Variants in SLC22A12 observed in about 807,000 individuals in gnomAD.
The protein encoded by SLC22A12 is organic anion transporter 4-like protein.
SLC22A12 carries 56 observed loss-of-function variants against 52.7 expected under a neutral mutation model. That is an observed-to-expected ratio of 1.06 (90% CI 0.86 to 1.33). The LOEUF (loss-of-function observed/expected upper bound fraction) is 1.33, where lower values mean the gene tolerates loss of function less well. Among genes scored for constraint, SLC22A12 ranks in the 40% most tolerant of loss-of-function variants. The pLI is 0.00. For missense variants in SLC22A12, 683 were observed against 741.5 expected (o/e 0.92, Z 0.92); for synonymous variants, 337 against 324.6 (o/e 1.04, Z -0.41).
At chr11:64,595,517 G>A (rs1420939204) in intron 4 of SLC22A12, among the ~76,000 whole-genome samples, 2 of 83,172 alleles carry the variant, frequency 2.4e-5, no homozygotes, top group East Asian at 3.4e-4. Flanking sequence ...TGGTTGGAAT[G>A]AATGGATGGA....
Position 64,598,411 on chromosome 11 carries a change from G to T in SLC22A12, c.831-105G>T, listed in dbSNP as rs1439832227. ...CCTTCGGGGTCCTCAGCCGCCCTAA[G>T]CCTTGGGCCTGGAGCAGTGGGTACA... On this transcript the variant is annotated intron_variant, in intron 4 of 9. Coordinates refer to ENST00000377574, the MANE Select transcript of SLC22A12 (RefSeq NM_144585.4). 3.3e-6 allele frequency: 5 copies of T among 1,509,434 alleles called. No homozygotes were observed. The Admixed American group carries it at 9.8e-5, about 30-fold the overall frequency. The allele number at this position is 1,509,434 out of a possible 1,614,324, so 93.5% of individuals were successfully genotyped here.
At chr11:64,599,526 G>A (rs1031633782) in intron 6 of SLC22A12, 150 bp from the exon 7 acceptor site, 163 of 660,914 alleles carry the variant, frequency 2.5e-4, no homozygotes, top group South Asian at 8.0e-4. Context: ...GACTGGCCCC[G>A]CCCCACAGAG....
At chr11:64,596,086 T>C (rs1363624650) in intron 4 of SLC22A12, among the ~76,000 whole-genome samples, 6 of 112,458 alleles carry the variant, frequency 5.3e-5, no homozygotes, top group African/African-American at 1.2e-4. Context: ...GGTTTGATGG[T>C]TGAATGGATG....
chr11:64,591,724 C>T lies in SLC22A12; in HGVS notation c.168C>T (p.Asn56=), dbSNP rs2038921816. The T allele has an allele frequency of 6.2e-7, 1 of 1,612,706 alleles. No individual in the cohort carries two copies. The highest frequency in any genetic ancestry group is 8.5e-7 in the Non-Finnish European group (1 of 1,180,026). ...SHRCWAPLLD[N]STAQASILGS... ...GCTGCTGGGCACCCCTCCTGGACAA[C>T]AGCACGGCTCAGGCCAGCATCCTAG... is the stretch of plus-strand genomic sequence containing the variant. The change falls in exon 1 of 10, where the codon AAC becomes AAT. Residue 56 remains asparagine, a synonymous_variant. Transcript: ENST00000377574.
In SLC22A12 at chr11:64,591,526, GC is replaced by G; in HGVS notation, c.-27del. ...CCCTGGGCCAGCCTTTGTGAAGTGG[GC>G]CCCTCTTCTGGGCCCCTTGAGTAGG... On this transcript the variant is annotated 5_prime_UTR_variant, in exon 1 of 10. Transcript: ENST00000377574. 6.2e-7 allele frequency: 1 copy of G among 1,607,500 alleles called. No homozygotes were observed.
chr11:64,601,591 A>G lies in SLC22A12; in HGVS notation c.*40A>G. Reference sequence around the variant, plus strand: ...TGCGATGGGACGGTCAGAGGAAGAGACTTCTTCTGTTCTCTGGAGAAGGCA... The same window carrying G: ...TGCGATGGGACGGTCAGAGGAAGAGGCTTCTTCTGTTCTCTGGAGAAGGCA... On this transcript the variant is annotated 3_prime_UTR_variant, in exon 10 of 10. Transcript: ENST00000377574. The G allele has an allele frequency of 1.3e-6, 2 of 1,596,698 alleles. No individual in the cohort carries two copies. The highest frequency in any genetic ancestry group is 1.7e-6 in the Non-Finnish European group (2 of 1,164,942).
At chr11:64,600,541 G>A in intron 8 of SLC22A12, 66 bp downstream of exon 8, 4 of 1,436,100 alleles carry the variant, frequency 2.8e-6, no homozygotes, top group Non-Finnish European at 3.8e-6. Context: ...CCCCCAGGCA[G>A]GACTGGCTTC....
At chr11:64,600,671 G>T in intron 8 of SLC22A12, 64 bp from the exon 9 acceptor site, 2 of 1,596,414 alleles carry the variant, frequency 1.3e-6, no homozygotes, top group Non-Finnish European at 1.7e-6. Context: ...GGCCTGGCCC[G>T]GCGTGCAGGA....
chr11:64,592,804 C>T lies in SLC22A12; in HGVS notation c.428C>T (p.Ala143Val). ...TGGAACCTCGTGTGTGACTCTCATG[C>T]TCTGAAGCCCATGGCCCAGTCCATC... ...AKWNLVCDSH[A>V]LKPMAQSIYL... Residue 143 changes from alanine (A) to valine (V), a missense_variant, in exon 2 of 10, where the codon GCT becomes GTT. By Grantham distance (64) the Ala-to-Val change is moderately conservative (BLOSUM62 0). Coordinates refer to ENST00000377574, the MANE Select transcript of SLC22A12 (RefSeq NM_144585.4). The T allele has an allele frequency of 6.2e-7, 1 of 1,613,964 alleles. No homozygotes were observed. Among genetic ancestry groups the T allele is most frequent in the Non-Finnish European group, 8.5e-7 (1 of 1,179,998 alleles).
chr11:64,593,368 A>G, intron 2 of SLC22A12, 37 bp from the exon 3 acceptor site: 1 of 1,613,636 alleles, frequency 6.2e-7, no homozygotes. Flanking sequence ...TGCCGTGGCA[A>G]GCCACAGACC....
At chr11:64,595,851 G>GGATGGATA (rs1217331695) in intron 4 of SLC22A12, among the ~76,000 whole-genome samples, 2 of 150,842 alleles carry the variant, frequency 1.3e-5, no homozygotes, top group African/African-American at 2.4e-5. Context: ...ATGGATGGAT[G>GGATGGATA]GATGGATAGT....
At chr11:64,599,591 G>GCCCCCCCCCCCCCTTGTTCCCCCCCCC in intron 6 of SLC22A12, 85 bp from the exon 7 acceptor site, 1 of 617,180 alleles carries the variant, frequency 1.6e-6, no homozygotes, top group Non-Finnish European at 2.4e-6. Flanking sequence ...CCCACCCTGA[G>GCCCCCCCCCCCCCTTGTTCCCCCCCCC]CCCCCACCGC....
chr11:64,592,258 C>T (rs967485039), intron 1 of SLC22A12, among the ~76,000 whole-genome samples: 1 of 152,138 alleles, frequency 6.6e-6, no homozygotes, highest in East Asian at 1.9e-4. Context: ...ACCTGTCAGC[C>T]GTGACTCCAG....
chr11:64,598,285 G>A (rs1194355469), intron 4 of SLC22A12, among the ~76,000 whole-genome samples: 4 of 152,216 alleles, frequency 2.6e-5, no homozygotes, highest in African/African-American at 9.6e-5. Flanking sequence ...CCCAGGATGA[G>A]AACAGCATCC....
intron 4 of SLC22A12, among the ~76,000 whole-genome samples, chr11:64,597,362 C>T (rs749144631): frequency 6.6e-6 from 1 of 152,140 alleles, no homozygotes; most frequent in Admixed American, 6.5e-5. Context: ...CCCCACTGAC[C>T]TCCAGCCTTA....
chr11:64,595,212 AGATGGATGGATGGATG>A (rs143189329), intron 4 of SLC22A12, among the ~76,000 whole-genome samples: 1 of 34,210 alleles, frequency 2.9e-5, no homozygotes, highest in African/African-American at 1.4e-4. Context: ...TGTTTGGAAT[AGATGGATGGATGGATG>A]GATGGATGGA....
chr11:64,595,827 G>GAATGGATA (rs2039165947), intron 4 of SLC22A12, among the ~76,000 whole-genome samples: 1 of 1,982 alleles, frequency 5.0e-4, no homozygotes, highest in Non-Finnish European at 3.6e-3. Flanking sequence ...ATGGATGGAC[G>GAATGGATA]GTTGAATGGA....
In SLC22A12 at chr11:64,601,712, C is replaced by T. The variant is rs927714205; in HGVS notation, c.*161C>T. On this transcript the variant is annotated 3_prime_UTR_variant, in exon 10 of 10. Coordinates refer to ENST00000377574, the MANE Select transcript of SLC22A12 (RefSeq NM_144585.4). Reference sequence around the variant, plus strand: ...GCTGCCCCTCCAGGTGAGCCCTGCCCCTCTCACAGTCCAAGGGGCCCCCTT... The same window carrying T: ...GCTGCCCCTCCAGGTGAGCCCTGCCTCTCTCACAGTCCAAGGGGCCCCCTT... 17 of 754,060 alleles carry T rather than the reference C, an allele frequency of 2.3e-5. No individual in the cohort carries two copies. The highest frequency in any genetic ancestry group is 3.2e-5 in the Non-Finnish European group (14 of 440,980). The allele number at this position is 754,060 out of a possible 1,614,324, so 46.7% of individuals were successfully genotyped here.
Position 64,601,665 on chromosome 11 carries a change from G to A in SLC22A12, c.*114G>A. 1 of 1,203,318 alleles carries A rather than the reference G, an allele frequency of 8.3e-7. No homozygotes were observed. The highest frequency in any genetic ancestry group is 1.3e-5 in the South Asian group (1 of 77,290). The allele number at this position is 1,203,318 out of a possible 1,614,324, so 74.5% of individuals were successfully genotyped here. A position where few individuals can be genotyped will look rare whatever the true frequency, so the allele number is the denominator to read the frequency against. On this transcript the variant is annotated 3_prime_UTR_variant, in exon 10 of 10. Transcript: ENST00000377574. Reference sequence around the variant, plus strand: ...TCCAGAGGCCCAGAGGCTGCCCTCTGAGGTCCCCACTCTCCCCCAGGGCTG... The same window carrying A: ...TCCAGAGGCCCAGAGGCTGCCCTCTAAGGTCCCCACTCTCCCCCAGGGCTG...
Sources: allele counts gnomAD v4.1 joint callset (sites outside exome capture counted in the v4.1 genomes callset), GRCh38; gene constraint gnomAD v4.1.1; transcripts MANE v1.5; gene names NCBI Gene and HGNC (gene_info 2026-07-23, HGNC 2026-07-21).